The following SEMA5A variants were observed in gnomAD, a reference collection of about 807,000 sequenced individuals.
The protein encoded by SEMA5A is semaphorin-5A.
SEMA5A carries 55 observed loss-of-function variants against 135.5 expected under a neutral mutation model. The observed-to-expected ratio is 0.41, with a 90% CI of 0.33 to 0.51. The LOEUF is 0.51. Among genes scored for constraint, SEMA5A ranks in the 20% least tolerant of loss-of-function variants. SEMA5A has a pLI of 0.37. For missense variants in SEMA5A, 1,290 were observed against 1,419.9 expected, an observed-to-expected ratio of 0.91 and a Z score of 1.47; for synonymous variants, 580 against 546.5, an observed-to-expected ratio of 1.06 and a Z score of -0.85.
chr5:9,050,904 A>C (rs1409025542), intron 20 of SEMA5A, among the ~76,000 whole-genome samples: 1 of 152,202 alleles, frequency 6.6e-6, no homozygotes, highest in Non-Finnish European at 1.5e-5. Context: ...CTCCAGAACA[A>C]GTGAAGTCCC....
chr5:9,140,339 A>C (rs1741996499), intron 12 of SEMA5A, among the ~76,000 whole-genome samples: 1 of 152,252 alleles, frequency 6.6e-6, no homozygotes, highest in African/African-American at 2.4e-5. Context: ...AATAGAGAAG[A>C]TGAGAATAAA....
At chr5:9,357,211 C>T (rs1265887230) in intron 3 of SEMA5A, among the ~76,000 whole-genome samples, 1 of 152,084 alleles carries the variant, frequency 6.6e-6, no homozygotes, top group Non-Finnish European at 1.5e-5. Context: ...TTTTGATATA[C>T]TGGACCTATT....
At chr5:9,052,763 G>A (rs561541274) in intron 19 of SEMA5A, among the ~76,000 whole-genome samples, 5 of 151,884 alleles carry the variant, frequency 3.3e-5, no homozygotes, top group African/African-American at 1.2e-4. Context: ...CAGGCATACA[G>A]ATGTGTGAAA....
At chr5:9,332,257 G>A (rs1753175047) in intron 4 of SEMA5A, among the ~76,000 whole-genome samples, 1 of 151,060 alleles carries the variant, frequency 6.6e-6, no homozygotes, top group Admixed American at 6.6e-5. Context: ...GCTATGGGCT[G>A]GTACATTGGG....
At chr5:9,398,085 C>T (rs980761057) in intron 2 of SEMA5A, among the ~76,000 whole-genome samples, 1 of 152,152 alleles carries the variant, frequency 6.6e-6, no homozygotes, top group Non-Finnish European at 1.5e-5. Context: ...TACAGGAAAT[C>T]CAACATGGCC....
At chr5:9,305,950 T>C (rs982921672) in intron 5 of SEMA5A, among the ~76,000 whole-genome samples, 4 of 152,140 alleles carry the variant, frequency 2.6e-5, no homozygotes, top group Non-Finnish European at 4.4e-5. Context: ...AGCAGGAAGA[T>C]CTGGGTTCTA....
chr5:9,465,563 T>C (rs1003350643), intron 1 of SEMA5A, among the ~76,000 whole-genome samples: 2 of 152,224 alleles, frequency 1.3e-5, no homozygotes, highest in Non-Finnish European at 2.9e-5. Context: ...AAATACTATG[T>C]TGAATCCAAG....
In SEMA5A at chr5:9,225,388, C is replaced by CTAA. The variant is rs1199577168; in HGVS notation, c.433-504_433-502dup. Among the ~76,000 whole-genome samples, 219 of 41,400 alleles carry CTAA rather than the reference C, an allele frequency of 5.3e-3. 4 individuals are homozygous for CTAA. The highest frequency in any genetic ancestry group is 0.016 in the African/African-American group (213 of 13,070). The allele number at this position is 41,400 out of a possible 152,430, so 27.2% of individuals were successfully genotyped here. A position where few individuals can be genotyped will look rare whatever the true frequency, so the allele number is the denominator to read the frequency against. Reference sequence around the variant, plus strand: ...CTAACACGGTGAAACCCCATCTCTACTAAAAAAAAAAAAAAAAAAAAAAAA... The same window carrying CTAA: ...CTAACACGGTGAAACCCCATCTCTACTAATAAAAAAAAAAAAAAAAAAAAAAAA... On this transcript the variant is annotated intron_variant, in intron 7 of 22. Coordinates refer to ENST00000382496, the MANE Select transcript of SEMA5A (RefSeq NM_003966.3).
chr5:9,111,972 A>T (rs1740268146), intron 15 of SEMA5A, among the ~76,000 whole-genome samples: 1 of 151,922 alleles, frequency 6.6e-6, no homozygotes, highest in Non-Finnish European at 1.5e-5. Context: ...TTGTGGATAA[A>T]ATATCTACAC....
chr5:9,437,554 A>T (rs1758078071), intron 2 of SEMA5A, among the ~76,000 whole-genome samples: 1 of 151,970 alleles, frequency 6.6e-6, no homozygotes, highest in Admixed American at 6.6e-5. Flanking sequence ...ATAGAATTTC[A>T]CCATGTTGGC....
chr5:9,167,999 C>A (rs777329223), intron 11 of SEMA5A, among the ~76,000 whole-genome samples: 8 of 152,072 alleles, frequency 5.3e-5, no homozygotes, highest in Non-Finnish European at 7.4e-5. Flanking sequence ...AGCAGAATAA[C>A]CATGTTAAAA....
At chr5:9,291,033 A>T (rs1286939374) in intron 5 of SEMA5A, among the ~76,000 whole-genome samples, 1 of 152,222 alleles carries the variant, frequency 6.6e-6, no homozygotes, top group African/African-American at 2.4e-5. Flanking sequence ...TTTTAATATT[A>T]GTACATTTTA....
At chr5:9,413,010 C>A (rs1042125819) in intron 2 of SEMA5A, among the ~76,000 whole-genome samples, 3 of 152,040 alleles carry the variant, frequency 2.0e-5, no homozygotes, top group African/African-American at 7.2e-5. Context: ...TCCATATTTC[C>A]CATCCAGTGA....
rs150363133 is a variant in SEMA5A at position 9,481,889 on chromosome 5, C to T, written c.-174-44037G>A. ...GGGACCAAGATTTCTTATGCACACA[C>T]ACATCTGTCTGTCGCAGGCCTTGGA... On this transcript the variant is annotated intron_variant, in intron 1 of 22. Coordinates refer to ENST00000382496, the MANE Select transcript of SEMA5A (RefSeq NM_003966.3). 5.3e-5 allele frequency among the ~76,000 whole-genome samples: 8 copies of T among 152,332 alleles called. No homozygotes were observed. In the East Asian group the frequency reaches 1.5e-3, roughly 29 times the overall value.
intron 5 of SEMA5A, among the ~76,000 whole-genome samples, chr5:9,303,465 C>T (rs6870454): frequency 0.14 from 21,466 of 152,084 alleles, 1,613 homozygotes; most frequent in South Asian, 0.19. Flanking sequence ...CCATAAATAT[C>T]AACTCCTAAA....
At chr5:9,048,818 G>C (rs996513060) in intron 21 of SEMA5A, among the ~76,000 whole-genome samples, 10 of 152,252 alleles carry the variant, frequency 6.6e-5, no homozygotes, top group African/African-American at 2.4e-4. Context: ...ACATTAGAGG[G>C]TACTAATTGG....
chr5:9,061,993 G>A (rs1737207261), intron 18 of SEMA5A, among the ~76,000 whole-genome samples: 1 of 152,062 alleles, frequency 6.6e-6, no homozygotes, highest in Admixed American at 6.5e-5. Flanking sequence ...AGTGGCCCAG[G>A]AAGGGATCAG....
chr5:9,311,090 T>C (rs1317411602), intron 5 of SEMA5A, among the ~76,000 whole-genome samples: 1 of 151,850 alleles, frequency 6.6e-6, no homozygotes, highest in Non-Finnish European at 1.5e-5. Flanking sequence ...TCAAGGAACA[T>C]AGGGTTTCTC....
chr5:9,224,530 T>C, intron 8 of SEMA5A, 144 bp downstream of exon 8: 1 of 703,552 alleles, frequency 1.4e-6, no homozygotes, highest in Non-Finnish European at 2.4e-6. Flanking sequence ...TGTTTATCAT[T>C]AGTCCTGAAC....
Sources: gnomAD v4.1 joint callset for allele counts (sites outside exome capture counted in the v4.1 genomes callset) on GRCh38, gnomAD v4.1.1 for gene constraint, MANE v1.5 for transcripts, NCBI Gene and HGNC (gene_info 2026-07-23, HGNC 2026-07-21) for gene names.